SLC2A13: variants seen among roughly 807,000 people sequenced by gnomAD.
SLC2A13 encodes proton myo-inositol cotransporter.
In SLC2A13, 32 loss-of-function variants were observed where a neutral mutation model predicts 64.4. That is an observed-to-expected ratio of 0.50 (90% CI 0.37 to 0.67). The LOEUF is 0.67. Ranked by LOEUF, SLC2A13 falls within the 30% of genes least tolerant of loss-of-function variation. The pLI, the probability that SLC2A13 is intolerant of heterozygous loss-of-function variation, is 0.00. For synonymous variants in SLC2A13, 338 were observed against 327.1 expected, an observed-to-expected ratio of 1.03 and a Z score of -0.36; for missense variants, 743 against 829.2, an observed-to-expected ratio of 0.90 and a Z score of 1.28.
Position 39,764,734 on chromosome 12 carries a change from T to C in SLC2A13, c.1567+3A>G. 5.6e-6 allele frequency: 9 copies of C among 1,611,800 alleles called. No individual in the cohort carries two copies. Among genetic ancestry groups the C allele is most frequent in the Non-Finnish European group, 7.6e-6 (9 of 1,179,086 alleles). On this transcript the variant is annotated splice_donor_region_variant and intron_variant, in intron 8 of 9. Coordinates refer to ENST00000280871, the MANE Select transcript of SLC2A13 (RefSeq NM_052885.4). ...GCAACAGTATAACAAAGTCTTTGTT[T>C]ACCAGGTGCAAAGAAGACAAGATAT...
At chr12:40,051,834 G>A (rs1418069050) in intron 1 of SLC2A13, among the ~76,000 whole-genome samples, 1 of 152,150 alleles carries the variant, frequency 6.6e-6, no homozygotes, top group Non-Finnish European at 1.5e-5. Context: ...AGGGCTTAGT[G>A]CGCAGAAGCC....
intron 6 of SLC2A13, among the ~76,000 whole-genome samples, chr12:39,840,101 G>A (rs1030477336): frequency 4.0e-5 from 6 of 151,814 alleles, no homozygotes; most frequent in Non-Finnish European, 8.8e-5. Flanking sequence ...GTGTGATCTT[G>A]GCTCACTGCA....
Position 40,086,294 on chromosome 12 carries a change from G to C in SLC2A13, c.556+18959C>G, listed in dbSNP as rs1450869808. Reference sequence around the variant, plus strand: ...TTTTTAATCCCACTACTCCCCACCTGATATCACCTCTCTGAATAACCGGTT... The same window carrying C: ...TTTTTAATCCCACTACTCCCCACCTCATATCACCTCTCTGAATAACCGGTT... On this transcript the variant is annotated intron_variant, in intron 1 of 9. Coordinates refer to ENST00000280871, the MANE Select transcript of SLC2A13 (RefSeq NM_052885.4). Among the ~76,000 whole-genome samples, 3 of 152,078 alleles carry C rather than the reference G, an allele frequency of 2.0e-5. 1 individual carries two copies. The highest frequency in any genetic ancestry group is 4.4e-5 in the Non-Finnish European group (3 of 68,012).
intron 4 of SLC2A13, among the ~76,000 whole-genome samples, chr12:39,903,891 C>T (rs1395196325): frequency 6.6e-6 from 1 of 152,006 alleles, no homozygotes; most frequent in Non-Finnish European, 1.5e-5. Flanking sequence ...GATGAAGCAG[C>T]CTATCAAACT....
At chr12:39,911,906 T>C (rs1422533887) in intron 4 of SLC2A13, among the ~76,000 whole-genome samples, 1 of 152,000 alleles carries the variant, frequency 6.6e-6, no homozygotes, top group Non-Finnish European at 1.5e-5. Flanking sequence ...ATGGACAGTA[T>C]GGTTTGTTTA....
intron 4 of SLC2A13, among the ~76,000 whole-genome samples, chr12:39,892,750 G>A (rs966049467): frequency 6.6e-6 from 1 of 152,026 alleles, no homozygotes; most frequent in Non-Finnish European, 1.5e-5. Flanking sequence ...CCAAAGTAGT[G>A]ACAGAAAAGC....
chr12:40,077,600 T>C (rs951667359), intron 1 of SLC2A13, among the ~76,000 whole-genome samples: 1 of 152,190 alleles, frequency 6.6e-6, no homozygotes, highest in Non-Finnish European at 1.5e-5. Flanking sequence ...CTCTGGCTTT[T>C]GTTCTTTTAG....
intron 4 of SLC2A13, among the ~76,000 whole-genome samples, chr12:39,928,443 G>A (rs1322624902): frequency 6.6e-6 from 1 of 152,114 alleles, no homozygotes; most frequent in Non-Finnish European, 1.5e-5. Flanking sequence ...TTTAGAACAT[G>A]AGGAATAAAG....
At chr12:39,999,735 T>A (rs1426636192) in intron 3 of SLC2A13, among the ~76,000 whole-genome samples, 1 of 152,234 alleles carries the variant, frequency 6.6e-6, no homozygotes, top group Non-Finnish European at 1.5e-5. Flanking sequence ...TGGACCCTTA[T>A]CAGGAGTTTC....
At chr12:39,949,372 C>T (rs182193202) in intron 4 of SLC2A13, 4 of 152,272 alleles carry the variant, frequency 2.6e-5, no homozygotes, top group Admixed American at 2.6e-4. Flanking sequence ...CAAACAAAAG[C>T]TCTATGACAA....
intron 1 of SLC2A13, among the ~76,000 whole-genome samples, chr12:40,063,676 G>A (rs879053806): frequency 3.9e-5 from 6 of 151,988 alleles, no homozygotes; most frequent in Admixed American, 3.9e-4. Context: ...GACCAAGCCG[G>A]GGCTATTTAT....
Position 39,854,437 on chromosome 12 carries a change from C to G in SLC2A13, c.1319+10325G>C, listed in dbSNP as rs535700908. Among the ~76,000 whole-genome samples the G allele has an allele frequency of 3.9e-5, 6 of 152,258 alleles. No individual in the cohort carries two copies. In the East Asian group the frequency reaches 1.2e-3, roughly 29 times the overall value. On this transcript the variant is annotated intron_variant, in intron 6 of 9. Coordinates refer to ENST00000280871, the MANE Select transcript of SLC2A13 (RefSeq NM_052885.4). ...GGTATATTGGCTGGGGCCACATAAT[C>G]GGCACTGAGTATTCATAAAATTGAA...
intron 1 of SLC2A13, among the ~76,000 whole-genome samples, chr12:40,060,131 C>G (rs557276810): frequency 1.1e-4 from 17 of 151,220 alleles, no homozygotes; most frequent in Admixed American, 1.1e-3. Context: ...ATGGATGCAT[C>G]GATGGACAGA....
chr12:39,910,485 C>T (rs547198672), intron 4 of SLC2A13, among the ~76,000 whole-genome samples: 1 of 152,024 alleles, frequency 6.6e-6, no homozygotes, highest in East Asian at 1.9e-4. Context: ...GTAACCATTG[C>T]CTGGCTTTAA....
chr12:40,006,328 CT>C (rs1947417558), intron 3 of SLC2A13, among the ~76,000 whole-genome samples: 1 of 152,182 alleles, frequency 6.6e-6, no homozygotes, highest in African/African-American at 2.4e-5. Flanking sequence ...TTGCCTCTGT[CT>C]TCTATCAGCT....
At chr12:39,810,252 T>A (rs1205174087) in intron 7 of SLC2A13, among the ~76,000 whole-genome samples, 1 of 152,244 alleles carries the variant, frequency 6.6e-6, no homozygotes, top group Non-Finnish European at 1.5e-5. Context: ...AGTGATCCTG[T>A]TATTTCTTGC....
At chr12:39,780,859 C>T (rs142843566) in intron 7 of SLC2A13, among the ~76,000 whole-genome samples, 472 of 152,272 alleles carry the variant, frequency 3.1e-3, no homozygotes, top group Non-Finnish European at 4.8e-3. Context: ...AAAAAAACTT[C>T]CCCTAGAAGC....
chr12:40,034,819 A>T (rs1947953768), intron 2 of SLC2A13, among the ~76,000 whole-genome samples: 1 of 152,208 alleles, frequency 6.6e-6, no homozygotes, highest in South Asian at 2.1e-4. Context: ...TAACTAATGA[A>T]GATGTATTGT....
chr12:39,966,095 G>A (rs1191041064), intron 3 of SLC2A13, among the ~76,000 whole-genome samples: 1 of 150,358 alleles, frequency 6.7e-6, no homozygotes, highest in Non-Finnish European at 1.5e-5. Context: ...TATAAAATAT[G>A]TATGCATATG....
Sources: gnomAD v4.1 joint callset for allele counts (sites outside exome capture counted in the v4.1 genomes callset) on GRCh38, gnomAD v4.1.1 for gene constraint, MANE v1.5 for transcripts, NCBI Gene and HGNC (gene_info 2026-07-23, HGNC 2026-07-21) for gene names.